The following DIAPH3 variants were observed in gnomAD, a reference collection of about 807,000 sequenced individuals.
The protein encoded by DIAPH3 is diaphanous related formin 3.
In DIAPH3, 117 loss-of-function variants were observed where a neutral mutation model predicts 144.3. The ratio of observed to expected loss-of-function variants is 0.81; its 90% CI spans 0.70 to 0.95. The LOEUF (loss-of-function observed/expected upper bound fraction) is 0.95. Ranked by LOEUF, DIAPH3 falls within the 40% of genes least tolerant of loss-of-function variation. DIAPH3 has a pLI of 0.00. For synonymous variants in DIAPH3, 519 were observed against 488.9 expected, an observed-to-expected ratio of 1.06 and a Z score of -0.81; for missense variants, 1,421 against 1,412.7, an observed-to-expected ratio of 1.01 and a Z score of -0.09.
At chr13:60,114,653 A>G (rs1339108089) in intron 2 of DIAPH3, among the ~76,000 whole-genome samples, 2 of 151,444 alleles carry the variant, frequency 1.3e-5, no homozygotes, top group Non-Finnish European at 1.5e-5. Flanking sequence ...ACACACACAC[A>G]CACACACACA....
intron 17 of DIAPH3, among the ~76,000 whole-genome samples, chr13:59,925,230 T>G (rs1308353981): frequency 6.6e-6 from 1 of 152,190 alleles, no homozygotes; most frequent in Non-Finnish European, 1.5e-5. Context: ...GCACTCAAGT[T>G]GCAAGTATAT....
At chr13:59,784,835 A>C (rs915817564) in intron 25 of DIAPH3, among the ~76,000 whole-genome samples, 1 of 151,570 alleles carries the variant, frequency 6.6e-6, no homozygotes, top group African/African-American at 2.4e-5. Context: ...TTCTAGAAGA[A>C]AAACCACACA....
At chr13:59,919,771 G>A (rs2047419969) in intron 18 of DIAPH3, among the ~76,000 whole-genome samples, 1 of 152,030 alleles carries the variant, frequency 6.6e-6, no homozygotes, top group African/African-American at 2.4e-5. Context: ...TTCTAATAAT[G>A]TAATAGTGGT....
At chr13:59,791,874 T>C (rs543970561) in intron 25 of DIAPH3, among the ~76,000 whole-genome samples, 5 of 152,114 alleles carry the variant, frequency 3.3e-5, no homozygotes, top group Non-Finnish European at 7.4e-5. Flanking sequence ...TCTGAAAATA[T>C]TAGAATTACT....
chr13:60,114,980 G>A (rs1398482952), intron 2 of DIAPH3, among the ~76,000 whole-genome samples: 1 of 152,028 alleles, frequency 6.6e-6, no homozygotes, highest in Admixed American at 6.6e-5. Context: ...TCCTGTTAAT[G>A]GGAAACCTTA....
At chr13:59,749,209 CAAAAAAA>C (rs71197276) in intron 27 of DIAPH3, among the ~76,000 whole-genome samples, 3 of 25,098 alleles carry the variant, frequency 1.2e-4, no homozygotes, top group South Asian at 3.9e-3. Context: ...GACTCTGTCT[CAAAAAAA>C]AAAAAAAAAA....
At chr13:59,829,219 A>C (rs1422532913) in intron 24 of DIAPH3, among the ~76,000 whole-genome samples, 1 of 151,950 alleles carries the variant, frequency 6.6e-6, no homozygotes, top group Non-Finnish European at 1.5e-5. Context: ...ATCCCAAGAC[A>C]ATCTTAAACT....
intron 21 of DIAPH3, 30 bp downstream of exon 21, chr13:59,879,199 A>G: frequency 6.2e-7 from 1 of 1,613,368 alleles, no homozygotes; most frequent in Non-Finnish European, 8.5e-7. Context: ...GTGTTCAGGC[A>G]AATATGTGTT....
At chr13:60,080,304 A>G (rs2057511047) in intron 4 of DIAPH3, among the ~76,000 whole-genome samples, 1 of 151,916 alleles carries the variant, frequency 6.6e-6, no homozygotes. Flanking sequence ...TATATATAAT[A>G]AAGCCCTAAT....
intron 21 of DIAPH3, among the ~76,000 whole-genome samples, chr13:59,867,995 C>T (rs1248978645): frequency 6.6e-6 from 1 of 152,066 alleles, no homozygotes; most frequent in East Asian, 1.9e-4. Flanking sequence ...TATCAGCACT[C>T]TCCACCTAAC....
intron 15 of DIAPH3, among the ~76,000 whole-genome samples, chr13:59,973,214 C>T (rs1819747387): frequency 2.0e-5 from 3 of 152,070 alleles, no homozygotes; most frequent in South Asian, 4.1e-4. Flanking sequence ...ATGGTGGATA[C>T]GTTTTTTATA....
At chr13:59,680,822 G>C (rs999934256) in intron 27 of DIAPH3, among the ~76,000 whole-genome samples, 2 of 151,830 alleles carry the variant, frequency 1.3e-5, no homozygotes, top group African/African-American at 4.8e-5. Context: ...TTTCTCTATT[G>C]GCTTTCATTT....
At chr13:60,049,462 C>T (rs73216396) in intron 4 of DIAPH3, among the ~76,000 whole-genome samples, 36,800 of 152,090 alleles carry the variant, frequency 0.24, 5,421 homozygotes, top group Admixed American at 0.38. Context: ...GAGAATCCTG[C>T]CTCTGACACC....
At chr13:59,874,694 T>C (rs561590713) in intron 21 of DIAPH3, among the ~76,000 whole-genome samples, 1 of 152,324 alleles carries the variant, frequency 6.6e-6, no homozygotes, top group Admixed American at 6.5e-5. Context: ...TCAATAGTTA[T>C]TTGTTTCTGC....
chr13:59,927,605 C>T (rs2047817015), intron 17 of DIAPH3, among the ~76,000 whole-genome samples: 2 of 152,098 alleles, frequency 1.3e-5, no homozygotes, highest in African/African-American at 2.4e-5. Flanking sequence ...GTTTGATTGG[C>T]TGGGAAAGAC....
chr13:60,125,373 G>A (rs998967387), intron 2 of DIAPH3, among the ~76,000 whole-genome samples: 1 of 141,686 alleles, frequency 7.1e-6, no homozygotes, highest in African/African-American at 2.6e-5. Context: ...GTTCACATCT[G>A]CATACCATCA....
intron 22 of DIAPH3, among the ~76,000 whole-genome samples, chr13:59,848,663 T>C (rs2042810971): frequency 8.7e-6 from 1 of 115,112 alleles, no homozygotes; most frequent in Non-Finnish European, 1.8e-5. Flanking sequence ...TTTTTATGGC[T>C]GCATAGTATT....
At chr13:59,929,817 G>A (rs1054911758) in intron 17 of DIAPH3, among the ~76,000 whole-genome samples, 5 of 151,324 alleles carry the variant, frequency 3.3e-5, no homozygotes, top group South Asian at 2.1e-4. Flanking sequence ...GTGATCCACC[G>A]GCCTCAGCCT....
intron 1 of DIAPH3, among the ~76,000 whole-genome samples, chr13:60,154,542 AAGTAACT>A (rs1951936379): frequency 6.6e-6 from 1 of 152,208 alleles, no homozygotes; most frequent in African/African-American, 2.4e-5. Context: ...AGATTTCACT[AAGTAACT>A]AGTAACATGA....
Sources: gnomAD v4.1 joint callset for allele counts (sites outside exome capture counted in the v4.1 genomes callset) on GRCh38, gnomAD v4.1.1 for gene constraint, MANE v1.5 for transcripts, NCBI Gene and HGNC (gene_info 2026-07-23, HGNC 2026-07-21) for gene names.